Variants in EPHB1 observed in about 807,000 individuals in gnomAD.
EPHB1 encodes the protein EPH receptor B1, also known as ephrin type-B receptor 1.
In EPHB1, 30 loss-of-function variants were observed where a neutral mutation model predicts 94.4. The ratio of observed to expected loss-of-function variants is 0.32; its 90% CI spans 0.24 to 0.43. EPHB1 has a LOEUF of 0.43. EPHB1 is among the 20% of genes least tolerant of loss of function. The pLI, the probability that EPHB1 is intolerant of heterozygous loss-of-function variation, is 1.00. For missense variants in EPHB1, 1,055 were observed against 1,308.3 expected, an observed-to-expected ratio of 0.81 and a Z score of 2.99; for synonymous variants, 522 against 489.1, an observed-to-expected ratio of 1.07 and a Z score of -0.89.
At chr3:134,933,431 G>T (rs2038940125) in intron 2 of EPHB1, among the ~76,000 whole-genome samples, 2 of 149,660 alleles carry the variant, frequency 1.3e-5, no homozygotes, top group Non-Finnish European at 3.0e-5. Context: ...TGACACTGAG[G>T]TACCGTGTCC....
chr3:135,051,678 C>T (rs12639432), intron 3 of EPHB1, among the ~76,000 whole-genome samples: 42,736 of 152,102 alleles, frequency 0.28, 7,376 homozygotes, highest in East Asian at 0.73. Context: ...TTTGATGAGG[C>T]AATATGGAAA....
chr3:134,847,721 C>G lies in EPHB1; in HGVS notation c.58+52032C>G, dbSNP rs146672839. 5.7e-3 allele frequency among the ~76,000 whole-genome samples: 868 copies of G among 152,350 alleles called. 9 individuals carry two copies. Among genetic ancestry groups the G allele is most frequent in the African/African-American group, 0.02 (828 of 41,580 alleles). On this transcript the variant is annotated intron_variant, in intron 1 of 15. Transcript: ENST00000398015. ...AGTCACCCGAGGGAGCTATTTCCAC[C>G]TGGCTTCAGTGTTCCATATTTTCCA...
At chr3:135,041,126 G>A (rs1333284789) in intron 3 of EPHB1, among the ~76,000 whole-genome samples, 1 of 152,190 alleles carries the variant, frequency 6.6e-6, no homozygotes, top group Admixed American at 6.5e-5. Context: ...CAGAAGAGCA[G>A]GGATGCATCC....
At chr3:135,072,397 C>T (rs933083069) in intron 3 of EPHB1, among the ~76,000 whole-genome samples, 4 of 152,084 alleles carry the variant, frequency 2.6e-5, no homozygotes, top group Non-Finnish European at 5.9e-5. Flanking sequence ...AACAAACAAA[C>T]ACTCAAGTAA....
intron 15 of EPHB1, among the ~76,000 whole-genome samples, chr3:135,255,141 T>A (rs1240465648): frequency 5.3e-4 from 81 of 152,286 alleles, no homozygotes; most frequent in African/African-American, 1.9e-3. Flanking sequence ...CTATCAATTT[T>A]GTTGATCCTT....
chr3:135,256,746 G>A, intron 15 of EPHB1, among the ~76,000 whole-genome samples: 1 of 152,040 alleles, frequency 6.6e-6, no homozygotes, highest in Non-Finnish European at 1.5e-5. Context: ...TGTATTTCCT[G>A]AATCTGAACG....
rs757214620 is a variant in EPHB1 at position 134,952,066 on chromosome 3, C to A, written c.805+14C>A. 8 of 1,576,120 alleles carry A rather than the reference C, an allele frequency of 5.1e-6. No individual in the cohort carries two copies. The African/African-American group carries it at 6.7e-5, about 13-fold the overall frequency. On this transcript the variant is annotated intron_variant, in intron 3 of 15. Coordinates refer to ENST00000398015, the MANE Select transcript of EPHB1 (RefSeq NM_004441.5). ...TGGCATGCAAGGGTAAGCTTTGGAG[C>A]CTCTGCTTCCTGCCCATCTATGGCA...
chr3:135,018,894 G>A (rs1360369405), intron 3 of EPHB1, among the ~76,000 whole-genome samples: 1 of 152,176 alleles, frequency 6.6e-6, no homozygotes, highest in African/African-American at 2.4e-5. Context: ...ACTCCTCAAT[G>A]CTGAACAGGA....
chr3:134,813,533 C>G (rs757589213), intron 1 of EPHB1, among the ~76,000 whole-genome samples: 3 of 152,178 alleles, frequency 2.0e-5, no homozygotes, highest in South Asian at 4.1e-4. Flanking sequence ...GGAAGCACCC[C>G]CTAGCCCAGC....
At chr3:135,014,755 C>T (rs1391740140) in intron 3 of EPHB1, among the ~76,000 whole-genome samples, 2 of 152,202 alleles carry the variant, frequency 1.3e-5, no homozygotes, top group Non-Finnish European at 2.9e-5. Flanking sequence ...GAAGCAATTT[C>T]CCTGCAGGCC....
At chr3:134,808,073 C>CA (rs545966623) in intron 1 of EPHB1, among the ~76,000 whole-genome samples, 191 of 151,984 alleles carry the variant, frequency 1.3e-3, no homozygotes, top group African/African-American at 3.9e-3. Context: ...TAGAAAATGG[C>CA]AAAAAAAGTA....
intron 15 of EPHB1, among the ~76,000 whole-genome samples, chr3:135,257,405 T>G (rs1933448433): frequency 6.6e-6 from 1 of 151,626 alleles, no homozygotes; most frequent in Non-Finnish European, 1.5e-5. Flanking sequence ...GGTGTGGATG[T>G]CCTTTCTGTT....
intron 3 of EPHB1, among the ~76,000 whole-genome samples, chr3:135,007,909 C>A (rs980171680): frequency 2.0e-5 from 3 of 152,216 alleles, no homozygotes; most frequent in Non-Finnish European, 4.4e-5. Context: ...CATCCCATTT[C>A]TCAGGGATGA....
intron 1 of EPHB1, among the ~76,000 whole-genome samples, chr3:134,834,442 A>G (rs1357913873): frequency 6.8e-6 from 1 of 147,306 alleles, no homozygotes; most frequent in Non-Finnish European, 1.5e-5. Flanking sequence ...GTCTTTTGGA[A>G]TATGACTGCT....
intron 3 of EPHB1, among the ~76,000 whole-genome samples, chr3:135,039,804 G>T (rs1451957475): frequency 6.6e-6 from 1 of 152,222 alleles, no homozygotes; most frequent in Non-Finnish European, 1.5e-5. Context: ...TCCCGCTCGT[G>T]CCTCTCCCTG....
At chr3:134,818,301 G>A (rs1350601606) in intron 1 of EPHB1, among the ~76,000 whole-genome samples, 1 of 152,198 alleles carries the variant, frequency 6.6e-6, no homozygotes, top group Non-Finnish European at 1.5e-5. Flanking sequence ...TGACAGGCAG[G>A]CAGCCTCCTT....
chr3:135,135,808 C>T (rs562148879), intron 5 of EPHB1, among the ~76,000 whole-genome samples: 2 of 152,280 alleles, frequency 1.3e-5, no homozygotes, highest in Admixed American at 6.5e-5. Flanking sequence ...TTATTGAATG[C>T]GTACTCTATG....
intron 12 of EPHB1, among the ~76,000 whole-genome samples, chr3:135,221,915 AG>A (rs1469215524): frequency 6.6e-6 from 1 of 152,184 alleles, no homozygotes; most frequent in African/African-American, 2.4e-5. Flanking sequence ...TACTTGATTT[AG>A]GGGGGAAATT....
chr3:135,076,570 A>G (rs1013223408), intron 3 of EPHB1, among the ~76,000 whole-genome samples: 20 of 152,314 alleles, frequency 1.3e-4, no homozygotes, highest in Middle Eastern at 3.4e-3. Context: ...TTACCATATG[A>G]CCCAGCAATT....
Sources: gnomAD v4.1 joint callset for allele counts (sites outside exome capture counted in the v4.1 genomes callset) on GRCh38, gnomAD v4.1.1 for gene constraint, MANE v1.5 for transcripts, NCBI Gene and HGNC (gene_info 2026-07-23, HGNC 2026-07-21) for gene names.